Variants in GRM5 observed in about 807,000 individuals in gnomAD.
The protein encoded by GRM5 is metabotropic glutamate receptor 5.
Under a neutral mutation model 83.1 loss-of-function variants are expected in GRM5, and 19 were observed. The ratio of observed to expected loss-of-function variants is 0.23; its 90% CI spans 0.16 to 0.34. GRM5 has a LOEUF of 0.34. Ranked by LOEUF, GRM5 falls within the 10% of genes least tolerant of loss-of-function variation. GRM5 has a pLI of 1.00. For synonymous variants in GRM5, 675 were observed against 633.6 expected, an observed-to-expected ratio of 1.07 and a Z score of -0.98; for missense variants, 1,160 against 1,588.3, an observed-to-expected ratio of 0.73 and a Z score of 4.58.
At chr11:88,673,917 A>G (rs1033829467) in intron 3 of GRM5, among the ~76,000 whole-genome samples, 6 of 151,508 alleles carry the variant, frequency 4.0e-5, no homozygotes, top group Non-Finnish European at 8.9e-5. Context: ...AACATACTCT[A>G]GAGTATAATT....
At chr11:88,983,053 C>T (rs775013388) in intron 2 of GRM5, among the ~76,000 whole-genome samples, 1 of 146,318 alleles carries the variant, frequency 6.8e-6, no homozygotes, top group Non-Finnish European at 1.5e-5. Context: ...GCAACGAGAG[C>T]GAAACTCCGT....
intron 3 of GRM5, among the ~76,000 whole-genome samples, chr11:88,681,940 T>C (rs1466950864): frequency 1.3e-5 from 2 of 152,124 alleles, no homozygotes; most frequent in African/African-American, 4.8e-5. Context: ...TGGTTATTCC[T>C]TGTCCTACTC....
chr11:88,692,347 T>G (rs1940799913), intron 3 of GRM5, among the ~76,000 whole-genome samples: 1 of 152,208 alleles, frequency 6.6e-6, no homozygotes, highest in Admixed American at 6.5e-5. Context: ...CAATAAAAGC[T>G]TATTGAATGT....
chr11:88,661,473 A>G (rs78929993), intron 3 of GRM5, among the ~76,000 whole-genome samples: 1,525 of 151,952 alleles, frequency 0.01, 20 homozygotes, highest in African/African-American at 0.035. Context: ...TTTTTTTCAA[A>G]ATCTGTTTGC....
intron 3 of GRM5, among the ~76,000 whole-genome samples, chr11:88,832,074 T>C (rs958545326): frequency 6.6e-6 from 1 of 152,128 alleles, no homozygotes; most frequent in African/African-American, 2.4e-5. Flanking sequence ...CATAAGCTAC[T>C]AAGGAAATCA....
chr11:88,520,163 C>T (rs1941641825), intron 9 of GRM5, among the ~76,000 whole-genome samples: 1 of 152,120 alleles, frequency 6.6e-6, no homozygotes, highest in South Asian at 2.1e-4. Context: ...AATGCAGAAC[C>T]TCCATGAAGG....
chr11:88,595,710 C>G (rs1177127475), intron 6 of GRM5, among the ~76,000 whole-genome samples: 2 of 152,184 alleles, frequency 1.3e-5, no homozygotes, highest in African/African-American at 4.8e-5. Context: ...GGTGAACCCT[C>G]AATTTTCATG....
intron 7 of GRM5, among the ~76,000 whole-genome samples, chr11:88,577,831 C>T (rs1943144712): frequency 6.6e-6 from 1 of 152,074 alleles, no homozygotes; most frequent in Non-Finnish European, 1.5e-5. Context: ...AAGAGAATTA[C>T]AATGTCTTTG....
intron 4 of GRM5, among the ~76,000 whole-genome samples, chr11:88,632,428 C>T (rs182226166): frequency 3.6e-4 from 55 of 151,960 alleles, no homozygotes; most frequent in African/African-American, 1.2e-3. Context: ...GAGTCGGGGT[C>T]TCCCTATGTT....
At chr11:88,756,519 A>G (rs1942396640) in intron 3 of GRM5, among the ~76,000 whole-genome samples, 1 of 152,186 alleles carries the variant, frequency 6.6e-6, no homozygotes, top group African/African-American at 2.4e-5. Flanking sequence ...AAGTCGAATT[A>G]ATATGTCTCA....
chr11:88,524,614 T>A (rs1941818068), intron 9 of GRM5, among the ~76,000 whole-genome samples: 2 of 152,376 alleles, frequency 1.3e-5, no homozygotes, highest in Middle Eastern at 3.4e-3. Flanking sequence ...AATACTCCGG[T>A]TTACTAGGTA....
chr11:88,861,412 C>T (rs1944559899), intron 2 of GRM5, among the ~76,000 whole-genome samples: 1 of 152,036 alleles, frequency 6.6e-6, no homozygotes, highest in South Asian at 2.1e-4. Context: ...CCTACCCATC[C>T]TTCAAGAGTT....
chr11:88,813,926 C>A (rs1943627528), intron 3 of GRM5, among the ~76,000 whole-genome samples: 1 of 151,804 alleles, frequency 6.6e-6, no homozygotes, highest in African/African-American at 2.4e-5. Flanking sequence ...TACAATAATA[C>A]TTTCCCTGAT....
Position 89,047,696 on chromosome 11 carries a change from C to T in GRM5, c.177G>A (p.Ala59=), listed in dbSNP as rs201888695. 91 of 1,613,936 alleles carry T rather than the reference C, an allele frequency of 5.6e-5. No individual in the cohort carries two copies. The highest frequency in any genetic ancestry group is 7.1e-5 in the Non-Finnish European group (84 of 1,180,012). Residue 59 remains alanine, a synonymous_variant, in exon 2 of 10, where the codon GCG becomes GCA. Transcript: ENST00000305447. This position sits in a 1 kb window ranked among gnomAD's most constrained non-coding sequence, Gnocchi z 5.1. The part of the protein sequence containing the change: ...VDKVHERKCG[A]VREQYGIQRV... The stretch of plus-strand genomic sequence containing the variant: ...TCTGAATGCCATACTGTTCACGGAC[C>T]GCCCCACACTTCCTCTCATGAACTT...
At chr11:89,044,508 C>A (rs1449993076) in intron 2 of GRM5, among the ~76,000 whole-genome samples, 2 of 152,122 alleles carry the variant, frequency 1.3e-5, no homozygotes, top group Non-Finnish European at 2.9e-5. Flanking sequence ...GAAGGAACAT[C>A]TTGTGGTACC....
Position 88,507,397 on chromosome 11 carries a change from A to G in GRM5, c.*1195T>C, listed in dbSNP as rs1941205612. 1 of 152,214 alleles carries G rather than the reference A, an allele frequency of 6.6e-6. No individual in the cohort carries two copies. The highest frequency in any genetic ancestry group is 1.5e-5 in the Non-Finnish European group (1 of 68,026). The allele number at this position is 152,214 out of a possible 1,614,324, so 9.4% of individuals were successfully genotyped here. A position where few individuals can be genotyped will look rare whatever the true frequency, so the allele number is the denominator to read the frequency against. On this transcript the variant is annotated 3_prime_UTR_variant, in exon 10 of 10. Transcript: ENST00000305447. ...TAAGCAGCCAAGAATAGTTAAAATC[A>G]CTGCTCACTGGCATAGCTAAATCTC...
chr11:88,979,779 G>GA (rs11320548), intron 2 of GRM5, among the ~76,000 whole-genome samples: 52 of 149,230 alleles, frequency 3.5e-4, no homozygotes, highest in Admixed American at 2.1e-3. Flanking sequence ...TTTCTTTGTG[G>GA]AAAAAAAAAA....
intron 2 of GRM5, among the ~76,000 whole-genome samples, chr11:88,881,478 A>G (rs1944952914): frequency 6.8e-6 from 1 of 146,828 alleles, no homozygotes; most frequent in African/African-American, 2.6e-5. Context: ...TAAGATATCA[A>G]AAGAATCTGA....
chr11:88,994,401 G>A (rs1228048622), intron 2 of GRM5, among the ~76,000 whole-genome samples: 3 of 149,554 alleles, frequency 2.0e-5, no homozygotes, highest in Non-Finnish European at 4.4e-5. Context: ...CTGGTAGGGT[G>A]CCTGACACAA....
Sources: gnomAD v4.1 joint callset for allele counts (sites outside exome capture counted in the v4.1 genomes callset) on GRCh38, gnomAD v4.1.1 for gene constraint, Gnocchi (gnomAD v3.1) non-coding constraint, MANE v1.5 for transcripts, NCBI Gene and HGNC (gene_info 2026-07-23, HGNC 2026-07-21) for gene names.